The following ADAMTS19 variants were observed in gnomAD, a reference collection of about 807,000 sequenced individuals.
The protein encoded by ADAMTS19 is A disintegrin and metalloproteinase with thrombospondin motifs 19.
A neutral mutation model predicts 153.3 loss-of-function variants in ADAMTS19; 93 were observed. That is an observed-to-expected ratio of 0.61 (90% CI 0.51 to 0.72). The LOEUF (loss-of-function observed/expected upper bound fraction) is 0.72, where lower values mean the gene tolerates loss of function less well. Among genes scored for constraint, ADAMTS19 ranks in the 30% least tolerant of loss-of-function variants. ADAMTS19 has a pLI of 0.00. For missense variants in ADAMTS19, 1,482 were observed against 1,552.1 expected (o/e 0.95, Z 0.76); for synonymous variants, 600 against 556.6 (o/e 1.08, Z -1.10).
chr5:129,570,678 A>G (rs193282284), intron 7 of ADAMTS19, among the ~76,000 whole-genome samples: 1 of 152,038 alleles, frequency 6.6e-6, no homozygotes. Context: ...ACATAAAAAC[A>G]AGTATTAGCA....
In ADAMTS19 at chr5:129,461,128, G is replaced by C; in HGVS notation, c.118G>C (p.Glu40Gln). The C allele has an allele frequency of 7.0e-7, 1 of 1,423,724 alleles. No homozygotes were observed. Among genetic ancestry groups the C allele is most frequent in the Non-Finnish European group, 9.2e-7 (1 of 1,086,658 alleles). 88.2% of individuals were successfully genotyped at this position (1,423,724 alleles called of 1,614,324 possible). Reference sequence around the variant, plus strand: ...GCTGCAGTTCGCCCCCGACCGCGAGGAGTGGGAAGTCGTGTTTCCTGCGCT... The same window carrying C: ...GCTGCAGTTCGCCCCCGACCGCGAGCAGTGGGAAGTCGTGTTTCCTGCGCT... ...SELQFAPDRE[E>Q]WEVVFPALWR... is the part of the protein sequence containing the mutation. Residue 40 changes from glutamate (E) to glutamine (Q), a missense_variant, in exon 2 of 23, where the codon GAG becomes CAG. Coordinates refer to ENST00000274487, the MANE Select transcript of ADAMTS19 (RefSeq NM_133638.6). This position sits in a 1 kb window ranked among gnomAD's most constrained non-coding sequence, Gnocchi z 4.6.
intron 2 of ADAMTS19, among the ~76,000 whole-genome samples, chr5:129,484,526 T>C (rs984944644): frequency 6.6e-6 from 1 of 152,190 alleles, no homozygotes; most frequent in African/African-American, 2.4e-5. Context: ...CAAATCCTTT[T>C]AGAATGCCTT....
intron 3 of ADAMTS19, among the ~76,000 whole-genome samples, chr5:129,511,539 A>C (rs951971774): frequency 6.6e-6 from 1 of 151,718 alleles, no homozygotes; most frequent in African/African-American, 2.4e-5. Context: ...TCTATTCTCA[A>C]GAGGTGAAGA....
intron 3 of ADAMTS19, among the ~76,000 whole-genome samples, chr5:129,515,211 G>A (rs1465549370): frequency 6.6e-6 from 1 of 152,002 alleles, no homozygotes; most frequent in East Asian, 1.9e-4. Context: ...ACAATTTGAA[G>A]TCAGGTAATT....
At chr5:129,518,720 C>T (rs922801720) in intron 3 of ADAMTS19, among the ~76,000 whole-genome samples, 7 of 151,976 alleles carry the variant, frequency 4.6e-5, no homozygotes, top group Admixed American at 1.3e-4. Context: ...ATTTGGATAT[C>T]GGTATCTTTT....
chr5:129,526,896 A>G (rs1283650075), intron 4 of ADAMTS19, among the ~76,000 whole-genome samples: 1 of 151,850 alleles, frequency 6.6e-6, no homozygotes, highest in Non-Finnish European at 1.5e-5. Flanking sequence ...TGAAATTATC[A>G]TAAATATTTT....
chr5:129,506,777 T>A (rs1581018295), intron 2 of ADAMTS19, among the ~76,000 whole-genome samples: 1 of 152,102 alleles, frequency 6.6e-6, no homozygotes, highest in Middle Eastern at 3.4e-3. Flanking sequence ...TTATTAAAAT[T>A]AAAGTAACAG....
At chr5:129,494,664 A>G (rs1395611327) in intron 2 of ADAMTS19, among the ~76,000 whole-genome samples, 2 of 152,130 alleles carry the variant, frequency 1.3e-5, no homozygotes, top group African/African-American at 2.4e-5. Context: ...CATGTTCTTA[A>G]CTGAATTGGT....
intron 6 of ADAMTS19, among the ~76,000 whole-genome samples, chr5:129,532,360 TAAAG>T (rs1246656166): frequency 1.3e-5 from 2 of 152,072 alleles, no homozygotes; most frequent in Non-Finnish European, 2.9e-5. Context: ...AATAAGCATA[TAAAG>T]AGATACTCAA....
chr5:129,636,041 T>A (rs1198389582), intron 10 of ADAMTS19, among the ~76,000 whole-genome samples: 1 of 152,050 alleles, frequency 6.6e-6, no homozygotes, highest in Non-Finnish European at 1.5e-5. Context: ...GAATTATAGG[T>A]GCCTGCCACC....
intron 8 of ADAMTS19, among the ~76,000 whole-genome samples, chr5:129,613,373 T>G (rs879307594): frequency 3.3e-5 from 5 of 152,142 alleles, no homozygotes; most frequent in Admixed American, 6.5e-5. Context: ...AACTCAGGAT[T>G]AAGAAACTCA....
intron 14 of ADAMTS19, among the ~76,000 whole-genome samples, chr5:129,655,991 T>A (rs1753533018): frequency 6.6e-6 from 1 of 152,240 alleles, no homozygotes; most frequent in Admixed American, 6.5e-5. Flanking sequence ...TCTGTACTAG[T>A]AGAGCTTTCA....
chr5:129,610,537 G>C (rs1476467802), intron 8 of ADAMTS19, among the ~76,000 whole-genome samples: 1 of 152,076 alleles, frequency 6.6e-6, no homozygotes, highest in Non-Finnish European at 1.5e-5. Context: ...AGAACATATG[G>C]TGTTTGGTTT....
chr5:129,578,466 ATACTT>A (rs1164981212), intron 7 of ADAMTS19, among the ~76,000 whole-genome samples: 1 of 151,688 alleles, frequency 6.6e-6, no homozygotes, highest in Non-Finnish European at 1.5e-5. Flanking sequence ...ACACATATAT[ATACTT>A]TAAGTTCTGG....
At chr5:129,564,273 C>T (rs1306678782) in intron 7 of ADAMTS19, among the ~76,000 whole-genome samples, 3 of 152,062 alleles carry the variant, frequency 2.0e-5, no homozygotes, top group South Asian at 2.1e-4. Flanking sequence ...AACCCAGTCA[C>T]GCCCACCCAG....
At chr5:129,517,480 A>G (rs1284650602) in intron 3 of ADAMTS19, among the ~76,000 whole-genome samples, 1 of 151,948 alleles carries the variant, frequency 6.6e-6, no homozygotes, top group South Asian at 2.1e-4. Flanking sequence ...TTGGTTGCAT[A>G]TATATATTTA....
intron 13 of ADAMTS19, among the ~76,000 whole-genome samples, chr5:129,651,939 A>G (rs1219946698): frequency 6.7e-6 from 1 of 149,946 alleles, no homozygotes; most frequent in African/African-American, 2.4e-5. Context: ...TCTACTTCCA[A>G]CTGGCTGTGA....
chr5:129,491,537 G>T (rs1237579738), intron 2 of ADAMTS19, among the ~76,000 whole-genome samples: 1 of 151,922 alleles, frequency 6.6e-6, no homozygotes, highest in Non-Finnish European at 1.5e-5. Context: ...ATTTAATTTG[G>T]AATCCTTCTA....
rs1755733243 is a variant in ADAMTS19, at chr5:129,699,535, A to T, written c.2955-1853A>T. 2.6e-5 allele frequency among the ~76,000 whole-genome samples: 4 copies of T among 152,164 alleles called. No homozygotes were observed. In the South Asian group the frequency reaches 8.3e-4, roughly 31 times the overall value. On this transcript the variant is annotated intron_variant, in intron 19 of 22. Coordinates refer to ENST00000274487, the MANE Select transcript of ADAMTS19 (RefSeq NM_133638.6). ...CATGCCTTTGAGGAGCTTATATATT[A>T]CAAAGAAAAGAAGGCCAAATTCATT... is the stretch of plus-strand genomic sequence containing the variant.
Sources: gnomAD v4.1 joint callset for allele counts (sites outside exome capture counted in the v4.1 genomes callset) on GRCh38, gnomAD v4.1.1 for gene constraint, Gnocchi (gnomAD v3.1) non-coding constraint, MANE v1.5 for transcripts, NCBI Gene and HGNC (gene_info 2026-07-23, HGNC 2026-07-21) for gene names.